Variants in TTYH1 observed in about 807,000 individuals in gnomAD.
The protein encoded by TTYH1 is tweety family member 1.
A neutral mutation model predicts 61.2 loss-of-function variants in TTYH1; 33 were observed. The observed-to-expected ratio is 0.54, with a 90% CI of 0.41 to 0.72. The LOEUF is 0.72. Ranked by LOEUF, TTYH1 falls within the 30% of genes least tolerant of loss-of-function variation. TTYH1 has a pLI of 0.00. For missense variants in TTYH1, 538 were observed against 575.8 expected (o/e 0.93, Z 0.67); for synonymous variants, 308 against 266.4 (o/e 1.16, Z -1.52).
intron 5 of TTYH1, among the ~76,000 whole-genome samples, chr19:54,427,649 T>C (rs2083355144): frequency 6.6e-6 from 1 of 150,458 alleles, no homozygotes; most frequent in South Asian, 2.1e-4. Flanking sequence ...GATGATGATC[T>C]ATTGAGGGTC....
rs35160501 is a variant in TTYH1, at chr19:54,418,007, G to GACACACAC, written c.127-1108_127-1101dup. On this transcript the variant is annotated intron_variant, in intron 1 of 13. Coordinates refer to ENST00000376530, the MANE Select transcript of TTYH1 (RefSeq NM_020659.4). ...AAACACAAACACTGCACACACTTGG[G>GACACACAC]ACACACACACACACACACACTGTGC... 7.2e-3 allele frequency among the ~76,000 whole-genome samples: 1,066 copies of GACACACAC among 148,264 alleles called. 15 individuals carry two copies. The highest frequency in any genetic ancestry group is 0.025 in the African/African-American group (989 of 39,780).
intron 1 of TTYH1, 145 bp from the exon 2 acceptor site, chr19:54,418,983 C>A: frequency 1.3e-6 from 1 of 791,630 alleles, no homozygotes; most frequent in East Asian, 2.7e-5. Flanking sequence ...GGGCTGGGAC[C>A]CAATCTCCCC....
At chr19:54,422,682 C>T (rs2083242721) in intron 4 of TTYH1, among the ~76,000 whole-genome samples, 1 of 152,130 alleles carries the variant, frequency 6.6e-6, no homozygotes, top group Admixed American at 6.5e-5. Context: ...AATCCCAGCA[C>T]TTTTAGGAGG....
In TTYH1 at chr19:54,416,223, GCT is replaced by G; in HGVS notation, c.126+548_126+549del. The G allele has an allele frequency of 2.3e-6, 1 of 436,486 alleles. No homozygotes were observed. Among genetic ancestry groups the G allele is most frequent in the Non-Finnish European group, 4.2e-6 (1 of 236,382 alleles). 27.0% of individuals were successfully genotyped at this position (436,486 alleles called of 1,614,324 possible). A position where few individuals can be genotyped will look rare whatever the true frequency, so the allele number is the denominator to read the frequency against. ...AGGACCAGGGCTGGAAAATGAAGGG[GCT>G]CTGGGAGAGGAAGCTTCTTGCCCGT... On this transcript the variant is annotated intron_variant, in intron 1 of 13. Transcript: ENST00000376530. This position sits in a 1 kb window ranked among gnomAD's most constrained non-coding sequence, Gnocchi z 7.0.
At chr19:54,425,319 T>G (rs2083302852) in intron 4 of TTYH1, among the ~76,000 whole-genome samples, 2 of 152,274 alleles carry the variant, frequency 1.3e-5, no homozygotes, top group Non-Finnish European at 2.9e-5. Flanking sequence ...CAGAAGAGTG[T>G]GCAGTTTCAA....
In TTYH1 at chr19:54,422,172, C is replaced by A. The variant is rs1295094866; in HGVS notation, c.418-18C>A. 1 of 1,543,380 alleles carries A rather than the reference C, an allele frequency of 6.5e-7. No homozygotes were observed. The highest frequency in any genetic ancestry group is 1.2e-5 in the South Asian group (1 of 83,872). On this transcript the variant is annotated intron_variant, in intron 3 of 13. Coordinates refer to ENST00000376530, the MANE Select transcript of TTYH1 (RefSeq NM_020659.4). ...CCCAGGATGTCCTTCCAGACCTCAGCCCCTGTCCTATCCCCAGGTGTTGGA... is the reference window on the plus strand; with the variant it reads ...CCCAGGATGTCCTTCCAGACCTCAGACCCTGTCCTATCCCCAGGTGTTGGA...
chr19:54,430,100 A>G, intron 7 of TTYH1, 143 bp downstream of exon 7: 1 of 723,142 alleles, frequency 1.4e-6, no homozygotes, highest in Admixed American at 2.8e-5. Context: ...GAAGGGAAGC[A>G]GGGCTCCTGG....
At chr19:54,424,365 G>A (rs1017165773) in intron 4 of TTYH1, among the ~76,000 whole-genome samples, 11 of 152,108 alleles carry the variant, frequency 7.2e-5, no homozygotes, top group Non-Finnish European at 1.6e-4. Context: ...TCATTTATCC[G>A]ACGTCAGCTG....
chr19:54,436,426 C>A lies in TTYH1; in HGVS notation c.*136C>A. Reference sequence around the variant, plus strand: ...TGGCCATGGACAGCCTGCACAGGACCGCCTCCCTGCTCTTGGCCACTGTGC... The same window carrying A: ...TGGCCATGGACAGCCTGCACAGGACAGCCTCCCTGCTCTTGGCCACTGTGC... On this transcript the variant is annotated 3_prime_UTR_variant, in exon 14 of 14. Coordinates refer to ENST00000376530, the MANE Select transcript of TTYH1 (RefSeq NM_020659.4). This position sits in a 1 kb window ranked among gnomAD's most constrained non-coding sequence, Gnocchi z 4.3. 1 of 1,588,980 alleles carries A rather than the reference C, an allele frequency of 6.3e-7. No individual in the cohort carries two copies. The highest frequency in any genetic ancestry group is 2.2e-5 in the East Asian group (1 of 44,668).
Position 54,436,527 on chromosome 19 carries a change from A to C in TTYH1, c.*237A>C, listed in dbSNP as rs1044891123. On this transcript the variant is annotated 3_prime_UTR_variant, in exon 14 of 14. Coordinates refer to ENST00000376530, the MANE Select transcript of TTYH1 (RefSeq NM_020659.4). The surrounding 1 kb of genome is among the most constrained non-coding windows in gnomAD (Gnocchi z 4.3). ...GTAGGGCTGGCAGGGGAGGGGGCAG[A>C]CAGCCTCGCCTCGCACCCTTCATCC... The C allele has an allele frequency of 1.4e-5, 11 of 786,172 alleles. No individual in the cohort carries two copies. Among genetic ancestry groups the C allele is most frequent in the Middle Eastern group, 2.3e-4 (1 of 4,276 alleles). 48.7% of individuals were successfully genotyped at this position (786,172 alleles called of 1,614,324 possible).
At position 54,422,317 on chromosome 19, in the gene TTYH1, C is replaced by T. The variant is rs774285281; in HGVS notation, c.545C>T (p.Ala182Val). ...GGGGCTCGACGGCAGGCGGAGGCTG[C>T]GGCCCAGCAGCTGCAGGGGCTGGCC... ...ARGARRQAEAAAQQLQGLAFW... is the reference protein window; with the variant it reads ...ARGARRQAEAVAQQLQGLAFW... Residue 182 changes from alanine to valine, a missense_variant, in exon 4 of 14, where the codon GCG becomes GTG. By Grantham distance (64) the Ala-to-Val change is moderately conservative. Transcript: ENST00000376530. The T allele has an allele frequency of 6.1e-5, 95 of 1,564,840 alleles. No individual in the cohort carries two copies. The highest frequency in any genetic ancestry group is 4.2e-4 in the South Asian group (36 of 85,130).
Position 54,420,371 on chromosome 19 carries a change from G to T in TTYH1, c.306-906G>T, listed in dbSNP as rs1362673305. 1.3e-5 allele frequency among the ~76,000 whole-genome samples: 2 copies of T among 152,186 alleles called. No homozygotes were observed. Among genetic ancestry groups the T allele is most frequent in the African/African-American group, 4.8e-5 (2 of 41,450 alleles). ...GACAGGGGAGGTGGACAAAGGCCCA[G>T]TGGGGGAGAGACACGGCCCCAGCCC... On this transcript the variant is annotated intron_variant, in intron 2 of 13. Transcript: ENST00000376530. The surrounding 1 kb of genome is among the most constrained non-coding windows in gnomAD (Gnocchi z 4.8).
Position 54,429,844 on chromosome 19 carries a change from G to A in TTYH1, c.808-38G>A, listed in dbSNP as rs1381080066. The A allele has an allele frequency of 6.3e-7, 1 of 1,596,742 alleles. No homozygotes were observed. The highest frequency in any genetic ancestry group is 1.3e-5 in the African/African-American group (1 of 74,630). On this transcript the variant is annotated intron_variant, in intron 6 of 13. Transcript: ENST00000376530. The surrounding 1 kb of genome is among the most constrained non-coding windows in gnomAD (Gnocchi z 5.1). ...GCTGTGGGAGTGTGGAATCGGGGCA[G>A]TTTTGGGTTTGAGCCCCTTTTCTGC...
In TTYH1 at chr19:54,430,520, GCCTCCTCCCCTCT is replaced by G; in HGVS notation, c.884-20_884-8del. On this transcript the variant is annotated splice_polypyrimidine_tract_variant and intron_variant, in intron 7 of 13. Transcript: ENST00000376530. ...AGATCCCTGGGGGCCCAGGCTCATGGCCTCCTCCCCTCTCCTCCTCCCACTTCAGACATCCTGA... is the reference window on the plus strand; with the variant it reads ...AGATCCCTGGGGGCCCAGGCTCATGGCCTCCTCCCACTTCAGACATCCTGA... 6.2e-7 allele frequency: 1 copy of G among 1,613,108 alleles called. No individual in the cohort carries two copies. The highest frequency in any genetic ancestry group is 8.5e-7 in the Non-Finnish European group (1 of 1,179,128).
At chr19:54,417,260 G>T (rs369161754) in intron 1 of TTYH1, among the ~76,000 whole-genome samples, 4 of 146,500 alleles carry the variant, frequency 2.7e-5, no homozygotes, top group African/African-American at 5.1e-5. Flanking sequence ...ATATGCACAG[G>T]CACACTCAGA....
chr19:54,421,463 C>A lies in TTYH1; in HGVS notation c.417+75C>A. 3.0e-6 allele frequency: 3 copies of A among 1,010,840 alleles called. No individual in the cohort carries two copies. Among genetic ancestry groups the A allele is most frequent in the Non-Finnish European group, 4.7e-6 (3 of 634,848 alleles). 62.6% of individuals were successfully genotyped at this position (1,010,840 alleles called of 1,614,324 possible). Reference sequence around the variant, plus strand: ...CCCCACACCCAAGGACAAAGGGATCCAAACTCAGAGCTAAGACCCCAGGCT... The same window carrying A: ...CCCCACACCCAAGGACAAAGGGATCAAAACTCAGAGCTAAGACCCCAGGCT... On this transcript the variant is annotated intron_variant, in intron 3 of 13. Transcript: ENST00000376530. This position sits in a 1 kb window ranked among gnomAD's most constrained non-coding sequence, Gnocchi z 4.8.
chr19:54,431,476 C>T (rs2083444369), intron 10 of TTYH1: 2 of 487,132 alleles, frequency 4.1e-6, no homozygotes, highest in African/African-American at 2.1e-5. Flanking sequence ...TCCCTTCCTG[C>T]CACCTTTTCC....
At chr19:54,427,840 G>A (rs918692410) in intron 5 of TTYH1, among the ~76,000 whole-genome samples, 1 of 152,122 alleles carries the variant, frequency 6.6e-6, no homozygotes, top group Non-Finnish European at 1.5e-5. Context: ...CTACGCGCCC[G>A]ACACTCTTCT....
intron 5 of TTYH1, among the ~76,000 whole-genome samples, chr19:54,428,302 T>G (rs1249577433): frequency 6.6e-6 from 1 of 152,024 alleles, no homozygotes; most frequent in Admixed American, 6.5e-5. Flanking sequence ...TTGGTCAGGA[T>G]GGTCTCAAAC....
Sources: gnomAD v4.1 joint callset for allele counts (sites outside exome capture counted in the v4.1 genomes callset) on GRCh38, gnomAD v4.1.1 for gene constraint, Gnocchi (gnomAD v3.1) non-coding constraint, MANE v1.5 for transcripts, NCBI Gene and HGNC (gene_info 2026-07-23, HGNC 2026-07-21) for gene names.